The following CCSER1 variants were observed in gnomAD, a reference collection of about 807,000 sequenced individuals.
CCSER1 encodes coiled-coil serine rich protein 1.
CCSER1 carries 41 observed loss-of-function variants against 82.0 expected under a neutral mutation model. The ratio of observed to expected loss-of-function variants is 0.50; its 90% CI spans 0.39 to 0.65. The LOEUF is 0.65. CCSER1 is among the 30% of genes least tolerant of loss of function. The pLI is 0.00. For missense variants in CCSER1, 1,119 were observed against 1,064.2 expected (o/e 1.05, Z -0.72); for synonymous variants, 414 against 383.9 (o/e 1.08, Z -0.92).
intron 4 of CCSER1, among the ~76,000 whole-genome samples, chr4:90,448,174 A>G (rs1256844652): frequency 1.3e-5 from 2 of 151,938 alleles, no homozygotes; most frequent in Non-Finnish European, 2.9e-5. Flanking sequence ...ATATCAGATT[A>G]TAGCAATTTT....
At chr4:90,891,982 T>C (rs1366850025) in intron 8 of CCSER1, among the ~76,000 whole-genome samples, 1 of 152,082 alleles carries the variant, frequency 6.6e-6, no homozygotes, top group Admixed American at 6.6e-5. Context: ...CTTGCTGTAG[T>C]GGCAAACTGA....
chr4:91,563,812 A>G (rs1320320098), intron 10 of CCSER1, among the ~76,000 whole-genome samples: 1 of 151,816 alleles, frequency 6.6e-6, no homozygotes, highest in East Asian at 1.9e-4. Context: ...GATTTCACCA[A>G]AAACCTGTTG....
chr4:90,303,177 T>C (rs1271618858), intron 1 of CCSER1, among the ~76,000 whole-genome samples: 1 of 152,216 alleles, frequency 6.6e-6, no homozygotes, highest in Non-Finnish European at 1.5e-5. Flanking sequence ...GACAAACATA[T>C]CACTGACCTA....
rs1764755051 is a variant in CCSER1, at chr4:91,600,152, GCTT to G, written c.*1098_*1100del. The G allele has an allele frequency of 6.6e-6, 1 of 151,970 alleles. No homozygotes were observed. Among genetic ancestry groups the G allele is most frequent in the Non-Finnish European group, 1.5e-5 (1 of 67,974 alleles). 9.4% of individuals were successfully genotyped at this position (151,970 alleles called of 1,614,324 possible). On this transcript the variant is annotated 3_prime_UTR_variant, in exon 11 of 11. Transcript: ENST00000509176. ...ATTGGCAATTTAATCTTAGAAATAA[GCTT>G]CTAACAGGAATATTTAAAACCCATT... is the stretch of plus-strand genomic sequence containing the variant.
At chr4:91,238,375 G>T (rs867546575) in intron 10 of CCSER1, among the ~76,000 whole-genome samples, 2 of 152,180 alleles carry the variant, frequency 1.3e-5, no homozygotes, top group East Asian at 3.9e-4. Flanking sequence ...AAAAAAAAAT[G>T]AATTTTCCCA....
intron 10 of CCSER1, among the ~76,000 whole-genome samples, chr4:91,095,735 T>C (rs1323519041): frequency 6.6e-6 from 1 of 152,162 alleles, no homozygotes; most frequent in Non-Finnish European, 1.5e-5. Flanking sequence ...AAACTTCATT[T>C]ACATTGGTGG....
At chr4:91,195,865 G>A (rs1735363081) in intron 10 of CCSER1, among the ~76,000 whole-genome samples, 1 of 151,900 alleles carries the variant, frequency 6.6e-6, no homozygotes, top group African/African-American at 2.4e-5. Flanking sequence ...GATTCACACC[G>A]TTCCCTTTCT....
intron 7 of CCSER1, among the ~76,000 whole-genome samples, chr4:90,803,102 T>A (rs143751335): frequency 1.3e-5 from 2 of 152,164 alleles, no homozygotes; most frequent in Admixed American, 1.3e-4. Flanking sequence ...TCAAACTTGA[T>A]GTGTTTGAGA....
intron 5 of CCSER1, among the ~76,000 whole-genome samples, chr4:90,497,424 G>A (rs1484002427): frequency 6.6e-6 from 1 of 152,142 alleles, no homozygotes; most frequent in Non-Finnish European, 1.5e-5. Flanking sequence ...TATATGGGGT[G>A]TATGGAGAGT....
intron 3 of CCSER1, among the ~76,000 whole-genome samples, chr4:90,337,544 C>A (rs1223854163): frequency 6.6e-6 from 1 of 152,032 alleles, no homozygotes; most frequent in African/African-American, 2.4e-5. Flanking sequence ...TTATTTTTCA[C>A]ATACTACAAA....
intron 4 of CCSER1, among the ~76,000 whole-genome samples, chr4:90,419,000 G>A (rs1478600846): frequency 1.3e-5 from 2 of 151,942 alleles, no homozygotes; most frequent in South Asian, 4.1e-4. Context: ...ACCCAGAAGA[G>A]CACTGTTATT....
chr4:90,863,611 A>T (rs1765370179), intron 8 of CCSER1, among the ~76,000 whole-genome samples: 1 of 151,848 alleles, frequency 6.6e-6, no homozygotes, highest in Non-Finnish European at 1.5e-5. Flanking sequence ...TAAAATTGTA[A>T]TTTTTGTTAG....
intron 9 of CCSER1, among the ~76,000 whole-genome samples, chr4:90,986,187 G>T (rs931730963): frequency 4.0e-5 from 6 of 151,656 alleles, no homozygotes; most frequent in Non-Finnish European, 5.9e-5. Flanking sequence ...GTTCCAAGGA[G>T]AAATTTTGAA....
At chr4:91,446,676 A>AATAT (rs70965498) in intron 10 of CCSER1, among the ~76,000 whole-genome samples, 63 of 142,530 alleles carry the variant, frequency 4.4e-4, no homozygotes, top group African/African-American at 6.6e-4. Flanking sequence ...TAAATAAATA[A>AATAT]ATATATATAT....
intron 5 of CCSER1, among the ~76,000 whole-genome samples, chr4:90,615,573 G>A (rs1721029444): frequency 1.3e-5 from 2 of 152,104 alleles, no homozygotes; most frequent in East Asian, 1.9e-4. Context: ...AGATGTGGTG[G>A]AAACACCAAG....
At chr4:90,707,674 A>G (rs190308861) in intron 6 of CCSER1, among the ~76,000 whole-genome samples, 1 of 152,048 alleles carries the variant, frequency 6.6e-6, no homozygotes, top group African/African-American at 2.4e-5. Flanking sequence ...TCACCCTTCT[A>G]CAGTGTCTTT....
At chr4:90,645,852 C>A (rs959769293) in intron 6 of CCSER1, among the ~76,000 whole-genome samples, 3 of 152,138 alleles carry the variant, frequency 2.0e-5, no homozygotes, top group African/African-American at 7.2e-5. Flanking sequence ...TATTTAAGTA[C>A]TTTAGAAATA....
chr4:90,817,058 T>G (rs1759116448), intron 8 of CCSER1, among the ~76,000 whole-genome samples: 1 of 152,158 alleles, frequency 6.6e-6, no homozygotes. Flanking sequence ...AATAACCTTT[T>G]ATAAACCTGT....
intron 10 of CCSER1, among the ~76,000 whole-genome samples, chr4:91,263,545 A>G (rs1432903147): frequency 6.6e-6 from 1 of 151,958 alleles, no homozygotes; most frequent in Admixed American, 6.6e-5. Flanking sequence ...TTTCCTAGCT[A>G]TTACCCTAGC....
Sources: allele counts gnomAD v4.1 joint callset (sites outside exome capture counted in the v4.1 genomes callset), GRCh38; gene constraint gnomAD v4.1.1; transcripts MANE v1.5; gene names NCBI Gene and HGNC (gene_info 2026-07-23, HGNC 2026-07-21).